NCAM2: variants seen among roughly 807,000 people sequenced by gnomAD.
NCAM2 encodes N-CAM-2.
In NCAM2, 30 loss-of-function variants were observed where a neutral mutation model predicts 98.1. That is an observed-to-expected ratio of 0.31 (90% confidence interval 0.23 to 0.41). The LOEUF (loss-of-function observed/expected upper bound fraction) is 0.41, where lower values mean the gene tolerates loss of function less well. NCAM2 is among the 10% of genes least tolerant of loss of function. The pLI is 1.00. For synonymous variants in NCAM2, 368 were observed against 342.4 expected (o/e 1.07, Z -0.83); for missense variants, 867 against 1,005.8 (o/e 0.86, Z 1.87).
chr21:21,069,255 G>A (rs1165897893), intron 1 of NCAM2, among the ~76,000 whole-genome samples: 1 of 152,108 alleles, frequency 6.6e-6, no homozygotes, highest in African/African-American at 2.4e-5. Context: ...ACTTAATGCT[G>A]AAGTGTCTTT....
chr21:21,523,739 G>A (rs537692273), intron 16 of NCAM2, among the ~76,000 whole-genome samples: 1 of 151,970 alleles, frequency 6.6e-6, no homozygotes, highest in South Asian at 2.1e-4. Context: ...CATTGTAAAT[G>A]TATATTGAAA....
intron 15 of NCAM2, among the ~76,000 whole-genome samples, chr21:21,505,090 T>C (rs934501446): frequency 6.6e-6 from 1 of 152,082 alleles, no homozygotes; most frequent in Non-Finnish European, 1.5e-5. Flanking sequence ...AGATACTTAT[T>C]TTTTCATAAA....
chr21:21,161,903 C>A (rs1223299234), intron 1 of NCAM2, among the ~76,000 whole-genome samples: 1 of 151,874 alleles, frequency 6.6e-6, no homozygotes, highest in Non-Finnish European at 1.5e-5. Context: ...TTATTGGGTA[C>A]AGTTTAGGTA....
At chr21:21,033,456 A>G (rs535885710) in intron 1 of NCAM2, among the ~76,000 whole-genome samples, 1 of 152,348 alleles carries the variant, frequency 6.6e-6, no homozygotes, top group African/African-American at 2.4e-5. Context: ...AATATATATA[A>G]GCTCAAAGAA....
rs2066041146 is a variant in NCAM2 at position 21,092,838 on chromosome 21, TATAA to T, written c.55+94224_55+94227del. Among the ~76,000 whole-genome samples the T allele has an allele frequency of 2.6e-5, 4 of 152,042 alleles. No individual in the cohort carries two copies. In the East Asian group the frequency reaches 7.7e-4, roughly 29 times the overall value. On this transcript the variant is annotated intron_variant, in intron 1 of 17. Coordinates refer to ENST00000400546, the MANE Select transcript of NCAM2 (RefSeq NM_004540.5). ...AATAATAATGTATTTATATCTCTTT[TATAA>T]ATATTTTTCTGTGAATGTCATTTGT...
In NCAM2 at chr21:21,031,509, T is replaced by A. The variant is rs78975967; in HGVS notation, c.55+32891T>A. On this transcript the variant is annotated intron_variant, in intron 1 of 17. Transcript: ENST00000400546. The stretch of plus-strand genomic sequence containing the variant: ...CTATTGGCCTTCTGATTTTATTGCC[T>A]GTGCAGGTTCATGTGTGTAATATAC... Among the ~76,000 whole-genome samples the A allele has an allele frequency of 2.9e-3, 441 of 152,306 alleles. 4 individuals carry two copies. The highest frequency in any genetic ancestry group is 0.01 in the African/African-American group (420 of 41,566).
At chr21:21,197,597 C>A (rs1271548809) in intron 1 of NCAM2, among the ~76,000 whole-genome samples, 1 of 152,202 alleles carries the variant, frequency 6.6e-6, no homozygotes, top group African/African-American at 2.4e-5. Context: ...TAAAGCAGTA[C>A]TCAGGGATTT....
chr21:21,140,645 G>GTTATT (rs2067147705), intron 1 of NCAM2, among the ~76,000 whole-genome samples: 1 of 152,066 alleles, frequency 6.6e-6, no homozygotes, highest in African/African-American at 2.4e-5. Context: ...ATTTACAGCT[G>GTTATT]TTATTTTATT....
chr21:21,376,976 T>A (rs1250704196), intron 9 of NCAM2, among the ~76,000 whole-genome samples: 1 of 151,756 alleles, frequency 6.6e-6, no homozygotes, highest in Non-Finnish European at 1.5e-5. Context: ...AAAATTTTCT[T>A]ACTATTAAAC....
chr21:21,415,512 C>T (rs1000829346), intron 10 of NCAM2, among the ~76,000 whole-genome samples: 5 of 151,428 alleles, frequency 3.3e-5, no homozygotes, highest in Admixed American at 6.6e-5. Flanking sequence ...ATTTTTTGTA[C>T]TTTTAGTAGA....
Position 21,409,135 on chromosome 21 carries a change from T to C in NCAM2, c.1196-1139T>C, listed in dbSNP as rs1204217340. 2.0e-5 allele frequency among the ~76,000 whole-genome samples: 3 copies of C among 152,118 alleles called. No individual in the cohort carries two copies. In the East Asian group the frequency reaches 5.8e-4, roughly 29 times the overall value. On this transcript the variant is annotated intron_variant, in intron 9 of 17. Transcript: ENST00000400546. ...CTTACTTGAGAATTATGCTTTCATG[T>C]AAAAATAATTATAAAATCTTCTCAA...
intron 9 of NCAM2, among the ~76,000 whole-genome samples, chr21:21,401,878 G>A (rs2076638260): frequency 6.6e-6 from 1 of 152,166 alleles, no homozygotes; most frequent in Admixed American, 6.5e-5. Flanking sequence ...AGAGGGACCG[G>A]CTGGAGCTGC....
intron 1 of NCAM2, among the ~76,000 whole-genome samples, chr21:21,257,348 T>C (rs985745004): frequency 1.3e-5 from 2 of 152,180 alleles, no homozygotes; most frequent in African/African-American, 4.8e-5. Context: ...GTTTACATGA[T>C]TTTATCCCCC....
chr21:21,322,806 T>A (rs528262564), intron 5 of NCAM2, among the ~76,000 whole-genome samples: 437 of 152,300 alleles, frequency 2.9e-3, no homozygotes, highest in Non-Finnish European at 5.0e-3. Context: ...TGCATGCCAT[T>A]ATTCATAAAA....
chr21:21,288,304 T>C (rs1192545872), intron 4 of NCAM2, among the ~76,000 whole-genome samples: 1 of 151,938 alleles, frequency 6.6e-6, no homozygotes, highest in East Asian at 1.9e-4. Context: ...ATTTGTTAAG[T>C]GAATGAATAA....
At chr21:21,130,702 T>C (rs1178449076) in intron 1 of NCAM2, among the ~76,000 whole-genome samples, 1 of 149,706 alleles carries the variant, frequency 6.7e-6, no homozygotes, top group Non-Finnish European at 1.5e-5. Flanking sequence ...GCTTACTCTG[T>C]GCCATAACTT....
chr21:21,067,298 T>C (rs2065461313), intron 1 of NCAM2, among the ~76,000 whole-genome samples: 1 of 152,006 alleles, frequency 6.6e-6, no homozygotes. Context: ...AAAAATAAAC[T>C]TCATAAACAA....
intron 17 of NCAM2, among the ~76,000 whole-genome samples, 178 bp from the exon 18 acceptor site, chr21:21,537,668 A>G (rs961654153): frequency 6.6e-6 from 1 of 152,030 alleles, no homozygotes; most frequent in Non-Finnish European, 1.5e-5. Context: ...AATAAATTTA[A>G]TTTTTCCTTT....
At chr21:21,180,926 G>A (rs895766082) in intron 1 of NCAM2, among the ~76,000 whole-genome samples, 1 of 152,138 alleles carries the variant, frequency 6.6e-6, no homozygotes, top group East Asian at 1.9e-4. Flanking sequence ...TCTCAGAATT[G>A]TGTGGTATGT....
Sources: allele counts gnomAD v4.1 joint callset (sites outside exome capture counted in the v4.1 genomes callset), GRCh38; gene constraint gnomAD v4.1.1; transcripts MANE v1.5; gene names NCBI Gene and HGNC (gene_info 2026-07-23, HGNC 2026-07-21).